Variants in PARN observed in about 807,000 individuals in gnomAD.
PARN encodes the protein poly(A)-specific ribonuclease.
Under a neutral mutation model 102.8 loss-of-function variants are expected in PARN, and 71 were observed. The ratio of observed to expected loss-of-function variants is 0.69; its 90% CI spans 0.57 to 0.84. The LOEUF is 0.84. PARN is among the 40% of genes least tolerant of loss of function. The pLI, the probability that PARN is intolerant of heterozygous loss-of-function variation, is 0.00. For missense variants in PARN, 782 were observed against 760.9 expected, an observed-to-expected ratio of 1.03 and a Z score of -0.33; for synonymous variants, 261 against 252.9, an observed-to-expected ratio of 1.03 and a Z score of -0.30.
chr16:14,488,251 G>A (rs1186017088), intron 21 of PARN, among the ~76,000 whole-genome samples: 1 of 152,214 alleles, frequency 6.6e-6, no homozygotes, highest in Non-Finnish European at 1.5e-5. Context: ...CCAGATGGAT[G>A]AAGAGCTGAA....
intron 21 of PARN, among the ~76,000 whole-genome samples, chr16:14,532,194 T>A (rs914023492): frequency 7.4e-5 from 11 of 148,938 alleles, no homozygotes; most frequent in Non-Finnish European, 1.2e-4. Flanking sequence ...TTTTTTTTTT[T>A]AATTGTTCAT....
chr16:14,443,577 G>A (rs1248296033), intron 23 of PARN, among the ~76,000 whole-genome samples: 2 of 152,156 alleles, frequency 1.3e-5, no homozygotes, highest in African/African-American at 4.8e-5. Flanking sequence ...GACCTCAGGT[G>A]ATCTGCCCAC....
intron 21 of PARN, among the ~76,000 whole-genome samples, chr16:14,526,750 G>A (rs72787650): frequency 0.22 from 32,942 of 152,148 alleles, 3,952 homozygotes; most frequent in Middle Eastern, 0.3. Flanking sequence ...GTCTCCATTT[G>A]CCTAACTATC....
chr16:14,552,295 T>C (rs1046921025), intron 20 of PARN, among the ~76,000 whole-genome samples, 200 bp from the exon 21 acceptor site: 1 of 152,108 alleles, frequency 6.6e-6, no homozygotes. Context: ...CGTTAAAACT[T>C]CAAGAGAAGA....
intron 15 of PARN, 26 bp from the exon 16 acceptor site, chr16:14,584,448 T>G (rs760256261): frequency 6.3e-7 from 1 of 1,577,452 alleles, no homozygotes; most frequent in South Asian, 1.1e-5. Flanking sequence ...CAAAGAATTA[T>G]GAGATTTCAT....
chr16:14,581,257 G>A (rs1220385514), intron 17 of PARN, among the ~76,000 whole-genome samples: 4 of 151,962 alleles, frequency 2.6e-5, no homozygotes, highest in African/African-American at 4.8e-5. Flanking sequence ...TTTCCATGTT[G>A]GTCAGGCTGG....
intron 22 of PARN, among the ~76,000 whole-genome samples, chr16:14,475,586 G>T (rs921332662): frequency 6.6e-6 from 1 of 152,196 alleles, no homozygotes. Context: ...TACAATACCA[G>T]TGTAAACAGC....
intron 12 of PARN, among the ~76,000 whole-genome samples, chr16:14,596,767 A>T (rs909156211): frequency 6.6e-6 from 1 of 151,492 alleles, no homozygotes; most frequent in African/African-American, 2.4e-5. Context: ...TAAACAGGGG[A>T]AAAGGACATT....
chr16:14,486,633 G>A (rs185521960), intron 21 of PARN, among the ~76,000 whole-genome samples: 12 of 152,318 alleles, frequency 7.9e-5, no homozygotes, highest in South Asian at 6.2e-4. Flanking sequence ...ATAACAGTCC[G>A]CTTTTCACTG....
intron 18 of PARN, among the ~76,000 whole-genome samples, chr16:14,572,065 T>A (rs560111253): frequency 1.3e-5 from 2 of 152,220 alleles, no homozygotes; most frequent in Non-Finnish European, 2.9e-5. Context: ...GGAAGTCCCA[T>A]GGAGGAGGGA....
At chr16:14,512,557 G>C (rs1230287580) in intron 21 of PARN, among the ~76,000 whole-genome samples, 1 of 152,146 alleles carries the variant, frequency 6.6e-6, no homozygotes, top group East Asian at 1.9e-4. Context: ...AAGACACCTG[G>C]GGGAATGGTG....
chr16:14,532,850 C>T (rs1456063692), intron 21 of PARN, among the ~76,000 whole-genome samples: 2 of 149,834 alleles, frequency 1.3e-5, no homozygotes, highest in African/African-American at 2.5e-5. Context: ...GCTGGCCGGG[C>T]GGGGGGCTGA....
At chr16:14,470,661 G>A (rs1401844166) in intron 22 of PARN, among the ~76,000 whole-genome samples, 2 of 151,778 alleles carry the variant, frequency 1.3e-5, no homozygotes, top group African/African-American at 4.8e-5. Flanking sequence ...GTTTCGCCAT[G>A]TTGTCCAGGC....
chr16:14,583,969 T>C (rs965011256), intron 16 of PARN, among the ~76,000 whole-genome samples: 3 of 152,212 alleles, frequency 2.0e-5, no homozygotes, highest in East Asian at 3.8e-4. Context: ...TTTTCTGAGA[T>C]GGAAAATATA....
chr16:14,535,816 T>C (rs559785643), intron 21 of PARN, among the ~76,000 whole-genome samples: 2 of 152,308 alleles, frequency 1.3e-5, no homozygotes, highest in African/African-American at 4.8e-5. Context: ...TAGGTATGTA[T>C]GTATAGGAAA....
chr16:14,579,829 A>G (rs1056268021), intron 18 of PARN, among the ~76,000 whole-genome samples: 1 of 152,188 alleles, frequency 6.6e-6, no homozygotes, highest in East Asian at 1.9e-4. Flanking sequence ...TATAAAGATT[A>G]GCCAGGTGTG....
Position 14,496,274 on chromosome 16 carries a change from C to G in PARN, c.1481-13447G>C, listed in dbSNP as rs114789516. On this transcript the variant is annotated intron_variant, in intron 21 of 23. Coordinates refer to ENST00000437198, the MANE Select transcript of PARN (RefSeq NM_002582.4). Reference sequence around the variant, plus strand: ...AAGCAGTCAACAAAGCCTCTGCGCTCACACCCAGCCCAACACAAAAAAGGG... The same window carrying G: ...AAGCAGTCAACAAAGCCTCTGCGCTGACACCCAGCCCAACACAAAAAAGGG... 4.5e-3 allele frequency among the ~76,000 whole-genome samples: 681 copies of G among 152,248 alleles called. 9 individuals carry two copies. The highest frequency in any genetic ancestry group is 0.016 in the African/African-American group (644 of 41,526).
intron 22 of PARN, among the ~76,000 whole-genome samples, chr16:14,466,525 C>T (rs1206940855): frequency 6.6e-6 from 1 of 152,180 alleles, no homozygotes; most frequent in African/African-American, 2.4e-5. Context: ...TGTAACGTGA[C>T]AGAGGATGGA....
intron 21 of PARN, among the ~76,000 whole-genome samples, chr16:14,549,165 A>G (rs1455675787): frequency 6.6e-6 from 1 of 152,332 alleles, no homozygotes; most frequent in Middle Eastern, 3.4e-3. Context: ...TCAAATTGCC[A>G]AGTATTTTGT....
Sources: allele counts gnomAD v4.1 joint callset (sites outside exome capture counted in the v4.1 genomes callset), GRCh38; gene constraint gnomAD v4.1.1; transcripts MANE v1.5; gene names NCBI Gene and HGNC (gene_info 2026-07-23, HGNC 2026-07-21).